GRID2: variants seen among roughly 807,000 people sequenced by gnomAD.
GRID2 encodes the protein glutamate receptor ionotropic, delta-2.
GRID2 carries 33 observed loss-of-function variants against 114.8 expected under a neutral mutation model. The observed-to-expected ratio is 0.29, with a 90% CI of 0.22 to 0.38. The LOEUF (loss-of-function observed/expected upper bound fraction) is 0.38, where lower values mean the gene tolerates loss of function less well. GRID2 is among the 10% of genes least tolerant of loss of function. The pLI is 1.00. For synonymous variants in GRID2, 505 were observed against 449.9 expected (o/e 1.12, Z -1.55); for missense variants, 1,184 against 1,257.7 (o/e 0.94, Z 0.89).
chr4:93,409,312 G>A (rs894086527), intron 9 of GRID2, among the ~76,000 whole-genome samples: 2 of 152,108 alleles, frequency 1.3e-5, no homozygotes, highest in African/African-American at 4.8e-5. Flanking sequence ...GTGTGGCTAG[G>A]GCATCAATGT....
rs556797661 is a variant in GRID2, at chr4:93,074,271, A to C, written c.245-10724A>C. 3.3e-5 allele frequency among the ~76,000 whole-genome samples: 5 copies of C among 152,302 alleles called. No homozygotes were observed. The East Asian group carries it at 9.7e-4, about 29-fold the overall frequency. On this transcript the variant is annotated intron_variant, in intron 2 of 15. Coordinates refer to ENST00000282020, the MANE Select transcript of GRID2 (RefSeq NM_001510.4). The stretch of plus-strand genomic sequence containing the variant: ...GAGTCTGTATCAATATATTCTATTT[A>C]CCTCAGTCTGCAGTCTCTTACAGCA...
intron 2 of GRID2, among the ~76,000 whole-genome samples, chr4:92,858,084 A>G (rs1297387113): frequency 6.6e-6 from 1 of 152,194 alleles, no homozygotes; most frequent in Admixed American, 6.5e-5. Flanking sequence ...AATTCCTTTC[A>G]AATTATGTCT....
chr4:93,287,963 C>T (rs1232436327), intron 8 of GRID2, among the ~76,000 whole-genome samples: 1 of 152,144 alleles, frequency 6.6e-6, no homozygotes, highest in Admixed American at 6.5e-5. Context: ...TTCTCCCTTT[C>T]TCTACCTTGC....
chr4:92,893,910 G>C (rs947843226), intron 2 of GRID2, among the ~76,000 whole-genome samples: 1 of 152,106 alleles, frequency 6.6e-6, no homozygotes, highest in South Asian at 2.1e-4. Flanking sequence ...AAGGATGATG[G>C]TATCATAAAT....
chr4:92,712,614 T>C (rs559036882), intron 2 of GRID2, among the ~76,000 whole-genome samples: 2 of 152,142 alleles, frequency 1.3e-5, no homozygotes, highest in Admixed American at 6.5e-5. Context: ...AGAATGGGTG[T>C]TTTTTATTTA....
intron 2 of GRID2, among the ~76,000 whole-genome samples, chr4:92,747,419 T>G (rs1000788488): frequency 6.6e-6 from 1 of 152,080 alleles, no homozygotes; most frequent in African/African-American, 2.4e-5. Context: ...TGCCTTAAAT[T>G]TCAGAAGTAA....
chr4:92,420,230 A>C (rs1334557542), intron 1 of GRID2, among the ~76,000 whole-genome samples: 1 of 152,176 alleles, frequency 6.6e-6, no homozygotes, highest in Non-Finnish European at 1.5e-5. Flanking sequence ...ACTATAATAT[A>C]AACTTAATTG....
intron 1 of GRID2, among the ~76,000 whole-genome samples, chr4:92,310,117 G>A (rs1322333979): frequency 6.6e-6 from 1 of 151,872 alleles, no homozygotes; most frequent in Non-Finnish European, 1.5e-5. Flanking sequence ...GCATTGTATC[G>A]ATTCCTTGCA....
intron 5 of GRID2, among the ~76,000 whole-genome samples, chr4:93,216,447 T>C (rs1560997886): frequency 6.6e-6 from 1 of 152,176 alleles, no homozygotes; most frequent in Non-Finnish European, 1.5e-5. Context: ...GTTTCTACAA[T>C]GTTCAACATT....
intron 4 of GRID2, among the ~76,000 whole-genome samples, chr4:93,191,412 C>T (rs760293227): frequency 2.6e-5 from 4 of 151,764 alleles, no homozygotes; most frequent in Non-Finnish European, 5.9e-5. Flanking sequence ...TCTTTATGGC[C>T]CTTATAAATA....
At chr4:93,280,366 C>A (rs1013088109) in intron 8 of GRID2, among the ~76,000 whole-genome samples, 20 of 151,922 alleles carry the variant, frequency 1.3e-4, no homozygotes, top group African/African-American at 4.4e-4. Context: ...CAATTATATA[C>A]AAATACATGA....
intron 2 of GRID2, among the ~76,000 whole-genome samples, chr4:92,763,916 A>G (rs1274629920): frequency 6.6e-6 from 1 of 152,152 alleles, no homozygotes; most frequent in Non-Finnish European, 1.5e-5. Context: ...TAAATTTTGA[A>G]AGCATCACTT....
intron 13 of GRID2, among the ~76,000 whole-genome samples, chr4:93,528,971 G>A (rs1050932459): frequency 6.6e-6 from 1 of 152,116 alleles, no homozygotes; most frequent in Non-Finnish European, 1.5e-5. Flanking sequence ...AAAAGGTTAA[G>A]TGATTTACCC....
intron 2 of GRID2, among the ~76,000 whole-genome samples, chr4:92,896,619 A>G (rs961158169): frequency 2.6e-5 from 4 of 151,870 alleles, no homozygotes; most frequent in African/African-American, 9.7e-5. Flanking sequence ...CTTGCCTAAT[A>G]TAACTGCTAC....
chr4:93,433,432 G>C (rs943933050), intron 10 of GRID2, among the ~76,000 whole-genome samples: 4 of 152,178 alleles, frequency 2.6e-5, no homozygotes, highest in African/African-American at 9.7e-5. Context: ...AATGGAGATA[G>C]CATGAATAGA....
At chr4:92,969,541 G>A (rs1443013815) in intron 2 of GRID2, among the ~76,000 whole-genome samples, 1 of 151,736 alleles carries the variant, frequency 6.6e-6, no homozygotes, top group Non-Finnish European at 1.5e-5. Context: ...TAGCTAACAT[G>A]TATTGAGTAA....
intron 8 of GRID2, among the ~76,000 whole-genome samples, chr4:93,338,961 G>C (rs6827992): frequency 6.6e-6 from 1 of 151,796 alleles, no homozygotes; most frequent in Non-Finnish European, 1.5e-5. Context: ...TTGTGATTTC[G>C]GCCTGACTTT....
intron 13 of GRID2, among the ~76,000 whole-genome samples, chr4:93,569,283 TACTC>T (rs1735717565): frequency 6.6e-6 from 1 of 152,158 alleles, no homozygotes; most frequent in African/African-American, 2.4e-5. Context: ...TGGGAACACT[TACTC>T]AATAAATCAC....
chr4:93,277,177 T>C lies in GRID2; in HGVS notation c.1245+38687T>C, dbSNP rs569784606. Among the ~76,000 whole-genome samples, 50 of 152,096 alleles carry C rather than the reference T, an allele frequency of 3.3e-4. No individual in the cohort carries two copies. The South Asian group carries it at 9.3e-3, about 28-fold the overall frequency. ...CCTTTTATGCTTAGAAAGAAACTTATTGTATTTTGTTTTGCTTAACTCAGA... is the reference window on the plus strand; with the variant it reads ...CCTTTTATGCTTAGAAAGAAACTTACTGTATTTTGTTTTGCTTAACTCAGA... On this transcript the variant is annotated intron_variant, in intron 8 of 15. Coordinates refer to ENST00000282020, the MANE Select transcript of GRID2 (RefSeq NM_001510.4).
Sources: gnomAD v4.1 joint callset for allele counts (sites outside exome capture counted in the v4.1 genomes callset) on GRCh38, gnomAD v4.1.1 for gene constraint, MANE v1.5 for transcripts, NCBI Gene and HGNC (gene_info 2026-07-23, HGNC 2026-07-21) for gene names.